RNF43: variants seen among roughly 807,000 people sequenced by gnomAD.
RNF43 encodes E3 ubiquitin-protein ligase RNF43.
A neutral mutation model predicts 78.4 loss-of-function variants in RNF43; 37 were observed. That is an observed-to-expected ratio of 0.47 (90% CI 0.36 to 0.62). The LOEUF (loss-of-function observed/expected upper bound fraction) is 0.62, where lower values mean the gene tolerates loss of function less well. Among genes scored for constraint, RNF43 ranks in the 20% least tolerant of loss-of-function variants. RNF43 has a pLI of 0.00. For missense variants in RNF43, 774 were observed against 1,007.9 expected (o/e 0.77, Z 3.14); for synonymous variants, 347 against 395.0 (o/e 0.88, Z 1.44).
intron 5 of RNF43, 45 bp downstream of exon 5, chr17:58,363,230 G>A (rs2143465406): frequency 6.2e-7 from 1 of 1,605,598 alleles, no homozygotes; most frequent in East Asian, 2.2e-5. Context: ...ACAGGACAAA[G>A]TAGGGCTAAG....
chr17:58,398,593 G>T (rs944147828), intron 2 of RNF43, among the ~76,000 whole-genome samples: 1 of 152,130 alleles, frequency 6.6e-6, no homozygotes, highest in African/African-American at 2.4e-5. Flanking sequence ...GAACAACAGG[G>T]TATCTAAAGA....
At chr17:58,385,069 T>C (rs1190210396) in intron 2 of RNF43, among the ~76,000 whole-genome samples, 4 of 152,224 alleles carry the variant, frequency 2.6e-5, no homozygotes, top group Non-Finnish European at 4.4e-5. Flanking sequence ...GTGTTGCTCA[T>C]GACATAATAC....
intron 2 of RNF43, among the ~76,000 whole-genome samples, chr17:58,393,457 A>C (rs930514759): frequency 7.9e-5 from 12 of 152,330 alleles, no homozygotes; most frequent in Middle Eastern, 3.4e-3. Flanking sequence ...CTTTTTTCTA[A>C]CTTACATTAT....
Position 58,415,718 on chromosome 17 carries a change from C to T in RNF43, c.-141G>A. The T allele has an allele frequency of 1.1e-6, 1 of 933,268 alleles. No homozygotes were observed. Among genetic ancestry groups the T allele is most frequent in the Non-Finnish European group, 1.6e-6 (1 of 636,866 alleles). The allele number at this position is 933,268 out of a possible 1,614,324, so 57.8% of individuals were successfully genotyped here. The stretch of plus-strand genomic sequence containing the variant: ...AGAAAGCCAAGTCGTAGTTTTGGCC[C>T]TTCCTTTCTCTAAAGTTTATTCCCA... On this transcript the variant is annotated 5_prime_UTR_variant, in exon 2 of 10. Transcript: ENST00000407977.
intron 3 of RNF43, 151 bp from the exon 4 acceptor site, chr17:58,363,751 C>T (rs1972893008): frequency 3.1e-6 from 2 of 647,884 alleles, no homozygotes; most frequent in Admixed American, 2.9e-5. Context: ...CAAGGGGTCA[C>T]TGGGTCTAAG....
At chr17:58,386,539 ATG>A (rs892272208) in intron 2 of RNF43, among the ~76,000 whole-genome samples, 7 of 152,218 alleles carry the variant, frequency 4.6e-5, no homozygotes, top group Admixed American at 4.6e-4. Context: ...ACTCAAAAGT[ATG>A]TGTTTCTTCC....
rs142272376 is a variant in RNF43, at chr17:58,403,215, T to C, written c.252+12111A>G. On this transcript the variant is annotated intron_variant, in intron 2 of 9. Coordinates refer to ENST00000407977, the MANE Select transcript of RNF43 (RefSeq NM_017763.6). Reference sequence around the variant, plus strand: ...AAGGAAGAATAGAGACTTAGTTATATTAGGCTCTCTCCCAGCTCTGAGATG... The same window carrying C: ...AAGGAAGAATAGAGACTTAGTTATACTAGGCTCTCTCCCAGCTCTGAGATG... Among the ~76,000 whole-genome samples, 46 of 152,274 alleles carry C rather than the reference T, an allele frequency of 3.0e-4. No individual in the cohort carries two copies. In the East Asian group the frequency reaches 7.3e-3, roughly 24 times the overall value.
chr17:58,379,098 T>C lies in RNF43; in HGVS notation c.253-8065A>G, dbSNP rs184598087. ...CTAGTCAACACCCAGTTAAAGGAGG[T>C]TGAGGTCCCCTAAATTCAACCCCAC... On this transcript the variant is annotated intron_variant, in intron 2 of 9. Coordinates refer to ENST00000407977, the MANE Select transcript of RNF43 (RefSeq NM_017763.6). Among the ~76,000 whole-genome samples, 7 of 152,130 alleles carry C rather than the reference T, an allele frequency of 4.6e-5. No individual in the cohort carries two copies. The East Asian group carries it at 9.7e-4, about 21-fold the overall frequency.
chr17:58,357,173 C>A lies in RNF43; in HGVS notation c.2308+295G>T. The A allele has an allele frequency of 1.4e-6, 1 of 700,912 alleles. No individual in the cohort carries two copies. Among genetic ancestry groups the A allele is most frequent in the South Asian group, 1.5e-5 (1 of 67,448 alleles). The allele number at this position is 700,912 out of a possible 1,614,324, so 43.4% of individuals were successfully genotyped here. A position where few individuals can be genotyped will look rare whatever the true frequency, so the allele number is the denominator to read the frequency against. ...CCTCCCAAAGTTCTGGGATTACAGG[C>A]ATGAGCCATCACACCCGGCCTTCCA... On this transcript the variant is annotated intron_variant, in intron 9 of 9. Transcript: ENST00000407977. The surrounding 1 kb of genome is among the most constrained non-coding windows in gnomAD (Gnocchi z 4.5).
At position 58,355,843 on chromosome 17, in the gene RNF43, AG is replaced by A. The variant is rs1162511572; in HGVS notation, c.2309-858del. Among the ~76,000 whole-genome samples the A allele has an allele frequency of 3.3e-5, 5 of 152,344 alleles. No homozygotes were observed. In the South Asian group the frequency reaches 6.2e-4, roughly 19 times the overall value. ...AGCCTTCGAGGCCCTGTAAGAGGGA[AG>A]GGAAGAGCTAGGAGGCTCCTGCATG... On this transcript the variant is annotated intron_variant, in intron 9 of 9. Coordinates refer to ENST00000407977, the MANE Select transcript of RNF43 (RefSeq NM_017763.6).
Position 58,415,860 on chromosome 17 carries a change from T to G in RNF43, c.-283A>C. The G allele has an allele frequency of 2.1e-6, 1 of 465,958 alleles. No individual in the cohort carries two copies. Among genetic ancestry groups the G allele is most frequent in the South Asian group, 3.2e-5 (1 of 31,446 alleles). 28.9% of individuals were successfully genotyped at this position (465,958 alleles called of 1,614,324 possible). A position where few individuals can be genotyped will look rare whatever the true frequency, so the allele number is the denominator to read the frequency against. ...ACTAGTAAAGATCTCACCACTTCTCTTTGGAATTTCCAACTTTGCTTGTGA... is the reference window on the plus strand; with the variant it reads ...ACTAGTAAAGATCTCACCACTTCTCGTTGGAATTTCCAACTTTGCTTGTGA... On this transcript the variant is annotated 5_prime_UTR_variant, in exon 2 of 10. Transcript: ENST00000407977.
At position 58,417,529 on chromosome 17, in the gene RNF43, A is replaced by G. The variant is rs147984748; in HGVS notation, c.-898T>C. 1 of 152,220 alleles carries G rather than the reference A, an allele frequency of 6.6e-6. No homozygotes were observed. The highest frequency in any genetic ancestry group is 1.9e-4 in the East Asian group (1 of 5,182). 9.4% of individuals were successfully genotyped at this position (152,220 alleles called of 1,614,324 possible). On this transcript the variant is annotated 5_prime_UTR_variant, in exon 1 of 10. Transcript: ENST00000407977. ...CTTTCAGAAAGACAATTCTGGATCAACTCCCTAGAGCAGGAAGCCTGTGGT... is the reference window on the plus strand; with the variant it reads ...CTTTCAGAAAGACAATTCTGGATCAGCTCCCTAGAGCAGGAAGCCTGTGGT...
intron 2 of RNF43, among the ~76,000 whole-genome samples, chr17:58,405,992 T>G (rs78864006): frequency 8.5e-5 from 13 of 152,312 alleles, no homozygotes; most frequent in Non-Finnish European, 1.8e-4. Flanking sequence ...CTAGTCTTGG[T>G]AAGATTCTTA....
At chr17:58,382,104 C>A (rs1300023958) in intron 2 of RNF43, among the ~76,000 whole-genome samples, 1 of 152,142 alleles carries the variant, frequency 6.6e-6, no homozygotes, top group Non-Finnish European at 1.5e-5. Flanking sequence ...GCCATCTATA[C>A]AAAATTCTTA....
chr17:58,356,959 T>C (rs1972696574), intron 9 of RNF43: 1 of 374,966 alleles, frequency 2.7e-6, no homozygotes, highest in African/African-American at 2.2e-5. Context: ...AGTGGCGCCA[T>C]CTTGGCTCAC....
intron 2 of RNF43, among the ~76,000 whole-genome samples, chr17:58,407,948 T>C (rs762941768): frequency 6.6e-5 from 10 of 152,212 alleles, no homozygotes; most frequent in Non-Finnish European, 1.2e-4. Flanking sequence ...ATTTCTTGAA[T>C]TGATGCAGTT....
chr17:58,393,590 G>A (rs1383768184), intron 2 of RNF43, among the ~76,000 whole-genome samples: 5 of 152,118 alleles, frequency 3.3e-5, no homozygotes, highest in Non-Finnish European at 5.9e-5. Context: ...GATTTTTGAC[G>A]TGCAGGAAGT....
chr17:58,360,254 G>A lies in RNF43; in HGVS notation c.850-3C>T, dbSNP rs567018265. On this transcript the variant is annotated splice_region_variant and splice_polypyrimidine_tract_variant and intron_variant, in intron 7 of 9. Coordinates refer to ENST00000407977, the MANE Select transcript of RNF43 (RefSeq NM_017763.6). This position sits in a 1 kb window ranked among gnomAD's most constrained non-coding sequence, Gnocchi z 4.3. Reference sequence around the variant, plus strand: ...AGGCAGGAAATGACCCGTAGCTCCTGGAGAAAAAGAGGGGGTCCAAACCAA... The same window carrying A: ...AGGCAGGAAATGACCCGTAGCTCCTAGAGAAAAAGAGGGGGTCCAAACCAA... 3 of 1,612,356 alleles carry A rather than the reference G, an allele frequency of 1.9e-6. No individual in the cohort carries two copies. In the South Asian group the frequency reaches 3.3e-5, roughly 18 times the overall value.
In RNF43 at chr17:58,407,069, A is replaced by ATTTT. The variant is rs35270032; in HGVS notation, c.252+8253_252+8256dup. ...CTCTGCTTTAGATTCAGAGACCAGA[A>ATTTT]TTTTTTTTTTTTTTTTTTTTTTTTT... On this transcript the variant is annotated intron_variant, in intron 2 of 9. Transcript: ENST00000407977. 2.8e-4 allele frequency among the ~76,000 whole-genome samples: 21 copies of ATTTT among 74,190 alleles called. 2 individuals carry two copies. Among genetic ancestry groups the ATTTT allele is most frequent in the East Asian group, 1.4e-3 (3 of 2,164 alleles). 48.7% of individuals were successfully genotyped at this position (74,190 alleles called of 152,430 possible). A position where few individuals can be genotyped will look rare whatever the true frequency, so the allele number is the denominator to read the frequency against.
Sources: gnomAD v4.1 joint callset for allele counts (sites outside exome capture counted in the v4.1 genomes callset) on GRCh38, gnomAD v4.1.1 for gene constraint, Gnocchi (gnomAD v3.1) non-coding constraint, MANE v1.5 for transcripts, NCBI Gene and HGNC (gene_info 2026-07-23, HGNC 2026-07-21) for gene names.